The following PHF2 variants were observed in gnomAD, a reference collection of about 807,000 sequenced individuals.
The protein encoded by PHF2 is lysine-specific demethylase PHF2.
PHF2 carries 27 observed loss-of-function variants against 120.5 expected under a neutral mutation model. That is an observed-to-expected ratio of 0.22 (90% CI 0.17 to 0.31). PHF2 has a LOEUF of 0.31. PHF2 is among the 10% of genes least tolerant of loss of function. The probability of loss-of-function intolerance (pLI) is 1.00; values close to 1 mark genes in which losing one functional copy is unlikely to be tolerated. For synonymous variants in PHF2, 568 were observed against 592.5 expected (o/e 0.96, Z 0.60); for missense variants, 1,024 against 1,434.8 (o/e 0.71, Z 4.63).
chr9:93,636,445 G>T lies in PHF2; in HGVS notation c.219G>T (p.Pro73=), dbSNP rs576235201. ...AGCGGACCTGGCACAAACACGGCCC[G>T]GGGCAAGCGCCTGACGTCAAGCCCG... ...KKKRTWHKHG[P]GQAPDVKPVQ... Residue 73 remains proline (P), a synonymous_variant, in exon 3 of 22, where the codon CCG becomes CCT. Coordinates refer to ENST00000359246, the MANE Select transcript of PHF2 (RefSeq NM_005392.4). The T allele has an allele frequency of 1.9e-5, 30 of 1,610,306 alleles. No individual in the cohort carries two copies. Among genetic ancestry groups the T allele is most frequent in the Non-Finnish European group, 2.5e-5 (30 of 1,178,518 alleles).
At chr9:93,615,360 A>T (rs1825714422) in intron 1 of PHF2, among the ~76,000 whole-genome samples, 1 of 151,850 alleles carries the variant, frequency 6.6e-6, no homozygotes, top group African/African-American at 2.4e-5. Context: ...GGTGATGGTG[A>T]TGATGGTGAT....
intron 1 of PHF2, among the ~76,000 whole-genome samples, chr9:93,628,265 T>C (rs933093662): frequency 6.6e-6 from 1 of 152,224 alleles, no homozygotes; most frequent in African/African-American, 2.4e-5. Flanking sequence ...TTAGGAAATG[T>C]TCCCCCCTCT....
intron 17 of PHF2, among the ~76,000 whole-genome samples, chr9:93,671,670 G>T (rs918757456): frequency 1.4e-5 from 2 of 140,948 alleles, no homozygotes; most frequent in African/African-American, 5.2e-5. Flanking sequence ...GTGGATGTAG[G>T]TACAGGTGTA....
In PHF2 at chr9:93,640,135, C is replaced by T. The variant is rs572686617; in HGVS notation, c.299+3610C>T. ...GTTGCTTGGTCTTTGGTTTTTTTTG[C>T]AGTTCAAATATGATATGCCTAGGTG... is the stretch of plus-strand genomic sequence containing the variant. On this transcript the variant is annotated intron_variant, in intron 3 of 21. Coordinates refer to ENST00000359246, the MANE Select transcript of PHF2 (RefSeq NM_005392.4). Among the ~76,000 whole-genome samples, 426 of 147,624 alleles carry T rather than the reference C, an allele frequency of 2.9e-3. 4 individuals are homozygous for T. Among genetic ancestry groups the T allele is most frequent in the African/African-American group, 0.01 (411 of 39,702 alleles).
chr9:93,672,321 C>G (rs1826814686), intron 17 of PHF2: 1 of 802,028 alleles, frequency 1.2e-6, no homozygotes, highest in African/African-American at 1.9e-5. Flanking sequence ...GATGTAGGTA[C>G]AGGTGTAGAT....
intron 1 of PHF2, among the ~76,000 whole-genome samples, chr9:93,624,607 A>G (rs1348748181): frequency 1.3e-5 from 2 of 148,838 alleles, no homozygotes; most frequent in African/African-American, 5.0e-5. Context: ...TGTGATGATG[A>G]TAGTGGTTGA....
rs541525559 is a variant in PHF2 at position 93,609,565 on chromosome 9, T to C, written c.99-20405T>C. Among the ~76,000 whole-genome samples the C allele has an allele frequency of 9.9e-5, 15 of 152,280 alleles. No homozygotes were observed. The East Asian group carries it at 1.5e-3, about 16-fold the overall frequency. Reference sequence around the variant, plus strand: ...GAATTCTAGGTTGGTTTTTTTTTTTTTCTTTCAACACTTTGAATGTTTTAC... The same window carrying C: ...GAATTCTAGGTTGGTTTTTTTTTTTCTCTTTCAACACTTTGAATGTTTTAC... On this transcript the variant is annotated intron_variant, in intron 1 of 21. Transcript: ENST00000359246.
intron 2 of PHF2, 32 bp from the exon 3 acceptor site, chr9:93,636,379 G>A (rs772267210): frequency 4.5e-6 from 7 of 1,551,570 alleles, no homozygotes; most frequent in Non-Finnish European, 5.3e-6. Flanking sequence ...GCTGCGCTGT[G>A]TGACCGACCT....
chr9:93,608,129 T>C (rs1246671187), intron 1 of PHF2, among the ~76,000 whole-genome samples: 2 of 152,152 alleles, frequency 1.3e-5, no homozygotes, highest in Non-Finnish European at 2.9e-5. Context: ...TCCAGGACAG[T>C]GTTGGAAAAC....
chr9:93,666,718 C>T (rs1358880745), intron 16 of PHF2, among the ~76,000 whole-genome samples: 1 of 152,130 alleles, frequency 6.6e-6, no homozygotes, highest in African/African-American at 2.4e-5. Flanking sequence ...ATCACAAGGT[C>T]AGGAGATTGA....
intron 5 of PHF2, among the ~76,000 whole-genome samples, chr9:93,652,220 C>T (rs890066969): frequency 6.6e-6 from 1 of 150,944 alleles, no homozygotes; most frequent in Admixed American, 6.6e-5. Flanking sequence ...TTCCTGGAGG[C>T]AGCAAGAACC....
At chr9:93,600,380 T>G (rs62574558) in intron 1 of PHF2, among the ~76,000 whole-genome samples, 47,357 of 152,086 alleles carry the variant, frequency 0.31, 8,161 homozygotes, top group South Asian at 0.6. Context: ...GCTGCGTCTT[T>G]GTGATCTCCC....
rs773593584 is a variant in PHF2, at chr9:93,629,838, C to T, written c.99-132C>T. Reference sequence around the variant, plus strand: ...CCTGCTTTCCTAGTAGAACACTGTCCCTGCACAGCTGTGCTCCATCTGGCC... The same window carrying T: ...CCTGCTTTCCTAGTAGAACACTGTCTCTGCACAGCTGTGCTCCATCTGGCC... On this transcript the variant is annotated intron_variant, in intron 1 of 21. Transcript: ENST00000359246. 5 of 818,148 alleles carry T rather than the reference C, an allele frequency of 6.1e-6. No homozygotes were observed. The Admixed American group carries it at 7.9e-5, about 13-fold the overall frequency. 50.7% of individuals were successfully genotyped at this position (818,148 alleles called of 1,614,324 possible).
intron 20 of PHF2, 43 bp from the exon 21 acceptor site, chr9:93,676,551 G>C: frequency 6.4e-7 from 1 of 1,553,844 alleles, no homozygotes; most frequent in Non-Finnish European, 8.7e-7. Context: ...GTTGGCCCAA[G>C]TGGGCTGTGC....
chr9:93,617,183 G>A (rs1181984567), intron 1 of PHF2, among the ~76,000 whole-genome samples: 1 of 152,146 alleles, frequency 6.6e-6, no homozygotes. Context: ...GGACCCTCCA[G>A]CTCCCCTGAA....
intron 1 of PHF2, among the ~76,000 whole-genome samples, chr9:93,612,322 A>G (rs1447114161): frequency 1.4e-5 from 2 of 139,392 alleles, no homozygotes; most frequent in Non-Finnish European, 3.4e-5. Flanking sequence ...GTTTTTACTA[A>G]TGTGTGTGTT....
intron 20 of PHF2, among the ~76,000 whole-genome samples, chr9:93,676,267 G>C (rs1177570708): frequency 6.6e-6 from 1 of 152,248 alleles, no homozygotes; most frequent in Non-Finnish European, 1.5e-5. Context: ...GGGCACACAA[G>C]GAAGTTATTA....
Position 93,654,580 on chromosome 9 carries a change from G to A in PHF2, c.952+5G>A, listed in dbSNP as rs759371322. ...AGACCCTCTTCATCCCCTCAGGTGA[G>A]TGCGGGCAGCTTTGGGGACCATGTA... On this transcript the variant is annotated splice_donor_5th_base_variant and intron_variant, in intron 7 of 21. Transcript: ENST00000359246. 3 of 1,611,648 alleles carry A rather than the reference G, an allele frequency of 1.9e-6. No homozygotes were observed. The highest frequency in any genetic ancestry group is 2.5e-6 in the Non-Finnish European group (3 of 1,178,648).
intron 1 of PHF2, among the ~76,000 whole-genome samples, chr9:93,580,836 G>A (rs1862917945): frequency 6.6e-6 from 1 of 152,194 alleles, no homozygotes. Context: ...TCAGATTGGT[G>A]GCAGCCACCC....
Sources: allele counts gnomAD v4.1 joint callset (sites outside exome capture counted in the v4.1 genomes callset), GRCh38; gene constraint gnomAD v4.1.1; transcripts MANE v1.5; gene names NCBI Gene and HGNC (gene_info 2026-07-23, HGNC 2026-07-21).